The following UACA variants were observed in gnomAD, a reference collection of about 807,000 sequenced individuals.
UACA encodes nuclear membrane binding protein.
A neutral mutation model predicts 160.5 loss-of-function variants in UACA; 112 were observed. That is an observed-to-expected ratio of 0.70 (90% CI 0.60 to 0.82). UACA has a LOEUF of 0.82. UACA is among the 40% of genes least tolerant of loss of function. The pLI is 0.00. For synonymous variants in UACA, 557 were observed against 568.4 expected, an observed-to-expected ratio of 0.98 and a Z score of 0.29; for missense variants, 1,574 against 1,614.6, an observed-to-expected ratio of 0.97 and a Z score of 0.43.
chr15:70,691,771 G>A (rs1217443045), intron 3 of UACA, among the ~76,000 whole-genome samples: 1 of 152,156 alleles, frequency 6.6e-6, no homozygotes, highest in Non-Finnish European at 1.5e-5. Context: ...AGGCAGTGTG[G>A]ACACTGAAAA....
intron 2 of UACA, among the ~76,000 whole-genome samples, chr15:70,696,179 T>C (rs527437857): frequency 2.0e-4 from 31 of 152,264 alleles, no homozygotes; most frequent in African/African-American, 7.0e-4. Flanking sequence ...CCATTAAAAT[T>C]TTTTACATTT....
At position 70,701,667 on chromosome 15, in the gene UACA, AATT is replaced by A. The variant is rs765927809; in HGVS notation, c.79-2010_79-2008del. 1.1e-4 allele frequency among the ~76,000 whole-genome samples: 16 copies of A among 152,328 alleles called. No homozygotes were observed. In the East Asian group the frequency reaches 2.7e-3, roughly 26 times the overall value. On this transcript the variant is annotated intron_variant, in intron 1 of 18. Transcript: ENST00000322954. The stretch of plus-strand genomic sequence containing the variant: ...CTGTCAGTTAACAGTAACACTGTAC[AATT>A]ATTAAGATTTTATCATGTGCTTTTT...
At chr15:70,711,245 A>G (rs1898672960) in intron 1 of UACA, among the ~76,000 whole-genome samples, 1 of 152,218 alleles carries the variant, frequency 6.6e-6, no homozygotes, top group South Asian at 2.1e-4. Context: ...TAGAATCCAT[A>G]AACCCCCAAA....
At chr15:70,701,842 A>G in intron 1 of UACA, 1 of 1,577,112 alleles carries the variant, frequency 6.3e-7, no homozygotes, top group East Asian at 2.3e-5. Flanking sequence ...TCTAACCAAG[A>G]ATCTTTTGTT....
At chr15:70,756,185 T>G (rs75502607) in intron 1 of UACA, among the ~76,000 whole-genome samples, 5 of 151,514 alleles carry the variant, frequency 3.3e-5, no homozygotes, top group African/African-American at 4.9e-5. Context: ...TTTTTTTTTT[T>G]TGATGGAGTC....
intron 12 of UACA, 35 bp downstream of exon 12, chr15:70,677,073 C>A: frequency 6.4e-7 from 1 of 1,557,666 alleles, no homozygotes; most frequent in Non-Finnish European, 8.8e-7. Context: ...ATTCCTAAAA[C>A]AATTTTAATG....
At chr15:70,683,599 T>C (rs1352866679) in intron 8 of UACA, among the ~76,000 whole-genome samples, 1 of 152,134 alleles carries the variant, frequency 6.6e-6, no homozygotes, top group African/African-American at 2.4e-5. Context: ...AACTGCTTTA[T>C]TAAATGAAAC....
intron 1 of UACA, chr15:70,702,096 C>T (rs1385163950): frequency 1.5e-5 from 20 of 1,346,054 alleles, no homozygotes; most frequent in East Asian, 5.7e-5. Flanking sequence ...GATCCTTCTC[C>T]GCCTTCATAA....
At chr15:70,699,466 T>C in intron 2 of UACA, 61 bp downstream of exon 2, 3 of 1,551,594 alleles carry the variant, frequency 1.9e-6, no homozygotes, top group African/African-American at 1.4e-5. Context: ...ACAAGTTTCA[T>C]TTGTATCCCA....
intron 1 of UACA, among the ~76,000 whole-genome samples, chr15:70,743,392 T>A (rs776433598): frequency 1.3e-5 from 2 of 152,200 alleles, no homozygotes; most frequent in South Asian, 2.1e-4. Flanking sequence ...CTCATCATAT[T>A]CAAAGTCCTG....
intron 14 of UACA, 90 bp downstream of exon 14, chr15:70,671,875 T>A (rs1425110168): frequency 5.1e-5 from 57 of 1,107,180 alleles, no homozygotes; most frequent in Non-Finnish European, 7.1e-5. Context: ...CTTGTACAGT[T>A]ATTCCTGTAT....
intron 1 of UACA, among the ~76,000 whole-genome samples, chr15:70,713,094 C>CA (rs1488059273): frequency 1.3e-5 from 2 of 152,140 alleles, no homozygotes; most frequent in Non-Finnish European, 2.9e-5. Flanking sequence ...CCTGTAATCC[C>CA]AGCACTTTGG....
At chr15:70,775,253 C>T in the UACA span, among the ~76,000 whole-genome samples, 1 of 152,092 alleles carries the variant, frequency 6.6e-6, no homozygotes, top group African/African-American at 2.4e-5. Flanking sequence ...TCGTCAATTT[C>T]AATGGTATAA....
intron 1 of UACA, among the ~76,000 whole-genome samples, chr15:70,703,452 A>C (rs559211012): frequency 4.6e-5 from 7 of 152,202 alleles, no homozygotes; most frequent in Non-Finnish European, 8.8e-5. Context: ...GTCATATACC[A>C]TATCTCATTT....
chr15:70,777,294 T>C, the UACA span, among the ~76,000 whole-genome samples: 1 of 152,118 alleles, frequency 6.6e-6, no homozygotes, highest in Non-Finnish European at 1.5e-5. Flanking sequence ...TATTATGAGA[T>C]GTCTATTACA....
intron 1 of UACA, among the ~76,000 whole-genome samples, chr15:70,761,415 G>A (rs1016408595): frequency 4.6e-5 from 7 of 151,672 alleles, no homozygotes; most frequent in African/African-American, 7.3e-5. Flanking sequence ...AAAAAAAAAA[G>A]GGTGGCCCAA....
chr15:70,772,492 CAAAAAAAA>C, the UACA span, among the ~76,000 whole-genome samples: 1 of 49,520 alleles, frequency 2.0e-5, no homozygotes, highest in African/African-American at 5.6e-5. Flanking sequence ...GCCTCCATCT[CAAAAAAAA>C]AAAAAAAAAA....
chr15:70,686,479 G>A (rs1296794243), intron 7 of UACA, among the ~76,000 whole-genome samples: 1 of 134,616 alleles, frequency 7.4e-6, no homozygotes, highest in Non-Finnish European at 1.6e-5. Flanking sequence ...GTAGAAGCCA[G>A]GGTTCTTTTT....
At chr15:70,741,676 A>G (rs948137941) in intron 1 of UACA, among the ~76,000 whole-genome samples, 14 of 152,222 alleles carry the variant, frequency 9.2e-5, no homozygotes, top group Non-Finnish European at 1.8e-4. Context: ...GTTATTACTC[A>G]TGAACAATGA....
Sources: gnomAD v4.1 joint callset for allele counts (sites outside exome capture counted in the v4.1 genomes callset) on GRCh38, gnomAD v4.1.1 for gene constraint, MANE v1.5 for transcripts, NCBI Gene and HGNC (gene_info 2026-07-23, HGNC 2026-07-21) for gene names.